Variants in SLC13A1 observed in about 807,000 individuals in gnomAD.
SLC13A1 encodes solute carrier family 13 member 1, also known as Na(+)/sulfate cotransporter.
In SLC13A1, 65 loss-of-function variants were observed where a neutral mutation model predicts 70.0. That is an observed-to-expected ratio of 0.93 (90% CI 0.76 to 1.14). The LOEUF (loss-of-function observed/expected upper bound fraction) is 1.14. Among genes scored for constraint, SLC13A1 ranks in the 50% most tolerant of loss-of-function variants. The pLI is 0.00. For synonymous variants in SLC13A1, 275 were observed against 250.5 expected (o/e 1.10, Z -0.92); for missense variants, 726 against 717.8 (o/e 1.01, Z -0.13).
chr7:123,174,860 A>G (rs567492390), intron 2 of SLC13A1, among the ~76,000 whole-genome samples: 15 of 151,958 alleles, frequency 9.9e-5, no homozygotes, highest in African/African-American at 3.4e-4. Context: ...CTTGCTTGCA[A>G]TTTAACCTGG....
chr7:123,186,719 G>A, intron 1 of SLC13A1: 2 of 454,828 alleles, frequency 4.4e-6, no homozygotes, highest in Non-Finnish European at 8.8e-6. Flanking sequence ...GGAAGTTGCT[G>A]ATACATCCGA....
chr7:123,149,559 C>T (rs1464138358), intron 6 of SLC13A1: 1 of 456,440 alleles, frequency 2.2e-6, no homozygotes, highest in Non-Finnish European at 4.4e-6. Flanking sequence ...TCTCAGCCTT[C>T]TCATTTTAAA....
rs964034968 is a variant in SLC13A1, at chr7:123,188,931, C to T, written c.100-7830G>A. On this transcript the variant is annotated intron_variant, in intron 1 of 14. Transcript: ENST00000194130. Reference sequence around the variant, plus strand: ...GAGATCGAGACCATCCCGGCTAAAACGGTGAAACCCCGTCTCTACTAAAAA... The same window carrying T: ...GAGATCGAGACCATCCCGGCTAAAATGGTGAAACCCCGTCTCTACTAAAAA... 8.6e-5 allele frequency among the ~76,000 whole-genome samples: 13 copies of T among 151,036 alleles called. No homozygotes were observed. In the East Asian group the frequency reaches 1.2e-3, roughly 14 times the overall value.
chr7:123,196,511 C>A (rs1034351346), intron 1 of SLC13A1, among the ~76,000 whole-genome samples: 4 of 151,954 alleles, frequency 2.6e-5, no homozygotes, highest in African/African-American at 7.2e-5. Context: ...AGCTGCTTAC[C>A]TGTTTTTGTC....
intron 6 of SLC13A1, among the ~76,000 whole-genome samples, chr7:123,166,511 A>G (rs993209872): frequency 3.9e-5 from 6 of 152,076 alleles, no homozygotes; most frequent in African/African-American, 7.2e-5. Context: ...GTCATTTAAC[A>G]TTAGGTATAT....
rs537038605 is a variant in SLC13A1, at chr7:123,158,177, A to G, written c.660+10197T>C. On this transcript the variant is annotated intron_variant, in intron 6 of 14. Coordinates refer to ENST00000194130, the MANE Select transcript of SLC13A1 (RefSeq NM_022444.4). ...GCAATAAATAAATAAAAACTAAATC[A>G]AAGAAAGAGACCCACAAGGACCTCA... Among the ~76,000 whole-genome samples the G allele has an allele frequency of 1.6e-3, 248 of 152,172 alleles. 1 individual carries two copies. The highest frequency in any genetic ancestry group is 0.01 in the Middle Eastern group (3 of 294).
chr7:123,169,058 G>A (rs28364191), intron 4 of SLC13A1, 90 bp downstream of exon 4: 49 of 1,206,106 alleles, frequency 4.1e-5, no homozygotes, highest in Admixed American at 9.5e-5. Flanking sequence ...ATGTATAGAT[G>A]GTTAATTCAA....
At chr7:123,161,887 G>T (rs1011637545) in intron 6 of SLC13A1, among the ~76,000 whole-genome samples, 2 of 151,674 alleles carry the variant, frequency 1.3e-5, no homozygotes, top group Non-Finnish European at 2.9e-5. Context: ...TTATGTTCTA[G>T]TTATTAAGCT....
intron 14 of SLC13A1, 93 bp from the exon 15 acceptor site, chr7:123,115,748 T>G (rs112088337): frequency 2.4e-6 from 3 of 1,261,578 alleles, no homozygotes; most frequent in Non-Finnish European, 3.4e-6. Flanking sequence ...CAAATTTACA[T>G]GCATCCTAAA....
intron 6 of SLC13A1, among the ~76,000 whole-genome samples, chr7:123,166,815 A>G (rs1052994642): frequency 5.9e-5 from 9 of 152,186 alleles, no homozygotes; most frequent in African/African-American, 2.2e-4. Flanking sequence ...GCTTGGTTCC[A>G]AGTCTTTGCT....
At chr7:123,172,012 T>C in intron 2 of SLC13A1, 108 bp from the exon 3 acceptor site, 2 of 965,588 alleles carry the variant, frequency 2.1e-6, no homozygotes, top group Non-Finnish European at 3.1e-6. Context: ...AACCGCATAA[T>C]CTTTCCATTT....
rs1164330364 is a variant in SLC13A1, at chr7:123,169,106, C to T, written c.553+42G>A. 10 of 1,580,720 alleles carry T rather than the reference C, an allele frequency of 6.3e-6. No individual in the cohort carries two copies. The African/African-American group carries it at 1.2e-4, about 19-fold the overall frequency. The stretch of plus-strand genomic sequence containing the variant: ...AATTCTTGAGTTTATGTCTATTGCT[C>T]TAATGACTAGACCCCAGATTGGCCA... On this transcript the variant is annotated intron_variant, in intron 4 of 14. Coordinates refer to ENST00000194130, the MANE Select transcript of SLC13A1 (RefSeq NM_022444.4).
chr7:123,178,037 A>C (rs149736746), intron 2 of SLC13A1, among the ~76,000 whole-genome samples: 18,912 of 118,962 alleles, frequency 0.16, 1,311 homozygotes, highest in African/African-American at 0.23. Context: ...CTCTCTCTAT[A>C]TATATATATA....
At chr7:123,173,105 A>G (rs1795327871) in intron 2 of SLC13A1, among the ~76,000 whole-genome samples, 1 of 152,212 alleles carries the variant, frequency 6.6e-6, no homozygotes, top group Non-Finnish European at 1.5e-5. Flanking sequence ...GCCCCTCTAA[A>G]AAAATCAAAC....
chr7:123,118,938 A>G, intron 13 of SLC13A1, 143 bp downstream of exon 13: 1 of 593,934 alleles, frequency 1.7e-6, no homozygotes, highest in South Asian at 2.8e-5. Context: ...AAGCATTAAT[A>G]CAAATAAAGA....
intron 6 of SLC13A1, among the ~76,000 whole-genome samples, chr7:123,162,099 A>G (rs934892076): frequency 1.3e-5 from 2 of 152,042 alleles, no homozygotes; most frequent in African/African-American, 4.8e-5. Flanking sequence ...CAAGAAATAA[A>G]ATATAGTATT....
chr7:123,129,175 G>A (rs1793665562), intron 9 of SLC13A1, among the ~76,000 whole-genome samples: 1 of 152,078 alleles, frequency 6.6e-6, no homozygotes, highest in South Asian at 2.1e-4. Context: ...GACAGGGTAT[G>A]TGTTTTATCA....
At chr7:123,156,042 C>T (rs1015401699) in intron 6 of SLC13A1, among the ~76,000 whole-genome samples, 1 of 151,852 alleles carries the variant, frequency 6.6e-6, no homozygotes, top group Non-Finnish European at 1.5e-5. Context: ...GATTTAACTG[C>T]TTCACAAGCA....
rs1795139612 is a variant in SLC13A1, at chr7:123,168,360, T to C, written c.660+14A>G. ...TTTGTATATAATTATTTAGAAAGAA[T>C]CAAATTTATGTACCTTTTCCAACTC... On this transcript the variant is annotated intron_variant, in intron 6 of 14. Coordinates refer to ENST00000194130, the MANE Select transcript of SLC13A1 (RefSeq NM_022444.4). 9.8e-6 allele frequency: 15 copies of C among 1,526,464 alleles called. No homozygotes were observed. Among genetic ancestry groups the C allele is most frequent in the Non-Finnish European group, 1.4e-5 (15 of 1,110,730 alleles). 94.6% of individuals were successfully genotyped at this position (1,526,464 alleles called of 1,614,324 possible).
Sources: gnomAD v4.1 joint callset for allele counts (sites outside exome capture counted in the v4.1 genomes callset) on GRCh38, gnomAD v4.1.1 for gene constraint, MANE v1.5 for transcripts, NCBI Gene and HGNC (gene_info 2026-07-23, HGNC 2026-07-21) for gene names.